The following ARHGEF4 variants were observed in gnomAD, a reference collection of about 807,000 sequenced individuals.
The protein encoded by ARHGEF4 is APC-stimulated guanine nucleotide exchange factor 1.
In ARHGEF4, 119 loss-of-function variants were observed where a neutral mutation model predicts 162.0. The observed-to-expected ratio is 0.73, with a 90% CI of 0.63 to 0.86. The LOEUF is 0.86. ARHGEF4 is among the 40% of genes least tolerant of loss of function. ARHGEF4 has a pLI of 0.00. For synonymous variants in ARHGEF4, 1,014 were observed against 979.9 expected, an observed-to-expected ratio of 1.03 and a Z score of -0.65; for missense variants, 2,488 against 2,456.0, an observed-to-expected ratio of 1.01 and a Z score of -0.28.
At chr2:130,844,816 A>G (rs1680839437) in intron 1 of ARHGEF4, among the ~76,000 whole-genome samples, 1 of 151,842 alleles carries the variant, frequency 6.6e-6, no homozygotes, top group Non-Finnish European at 1.5e-5. Flanking sequence ...AAACAAATAT[A>G]TATATATGTA....
At chr2:130,846,935 A>G (rs1681017684) in intron 1 of ARHGEF4, among the ~76,000 whole-genome samples, 2 of 152,202 alleles carry the variant, frequency 1.3e-5, no homozygotes, top group Admixed American at 6.5e-5. Context: ...GCCGGATGGC[A>G]GATACACAGA....
chr2:130,967,717 A>G (rs1685091959), intron 4 of ARHGEF4, among the ~76,000 whole-genome samples: 1 of 152,214 alleles, frequency 6.6e-6, no homozygotes, highest in Non-Finnish European at 1.5e-5. Context: ...CAGCACAGGG[A>G]GACAGACAGT....
Position 131,038,934 on chromosome 2 carries a change from G to A in ARHGEF4, c.4207G>A (p.Ala1403Thr). The stretch of plus-strand genomic sequence containing the variant: ...GGACGACCAGGAGCTGGGCTTCAAA[G>A]CTGGGGACGTCATCGAAGTGATGGA... ...TMDDQELGFK[A>T]GDVIEVMDAT... Residue 1403 changes from alanine (A) to threonine (T), a missense_variant, in exon 6 of 14, where the codon GCT (alanine) becomes ACT (threonine). Physicochemically the swap from Ala to Thr is moderately conservative, Grantham distance 58. Transcript: ENST00000409359. 6.2e-7 allele frequency: 1 copy of A among 1,613,786 alleles called. No individual in the cohort carries two copies. The highest frequency in any genetic ancestry group is 8.5e-7 in the Non-Finnish European group (1 of 1,180,014).
At chr2:131,026,382 TA>T (rs1689476390) in intron 4 of ARHGEF4, among the ~76,000 whole-genome samples, 1 of 152,176 alleles carries the variant, frequency 6.6e-6, no homozygotes, top group Non-Finnish European at 1.5e-5. Flanking sequence ...TTGTCTATAT[TA>T]AAATTAAGGA....
At chr2:130,847,535 A>T (rs1200026283) in intron 1 of ARHGEF4, among the ~76,000 whole-genome samples, 6 of 152,232 alleles carry the variant, frequency 3.9e-5, no homozygotes, top group Non-Finnish European at 7.3e-5. Context: ...TGGCTGTGAC[A>T]GTCACATGTG....
In ARHGEF4 at chr2:130,860,689, G is replaced by A. The variant is rs1177616839; in HGVS notation, c.39+23697G>A. 2.1e-4 allele frequency among the ~76,000 whole-genome samples: 25 copies of A among 116,846 alleles called. 3 individuals are homozygous for A. The highest frequency in any genetic ancestry group is 3.4e-4 in the Non-Finnish European group (21 of 61,806). The allele number at this position is 116,846 out of a possible 152,430, so 76.7% of individuals were successfully genotyped here. On this transcript the variant is annotated intron_variant, in intron 1 of 13. Coordinates refer to ENST00000409359, the MANE Select transcript of ARHGEF4 (RefSeq NM_001367493.1). Reference sequence around the variant, plus strand: ...CGCGTCACTGCACTCCAGCCTGGGCGACAGAGCGAGACTCCATCTCAAAAA... The same window carrying A: ...CGCGTCACTGCACTCCAGCCTGGGCAACAGAGCGAGACTCCATCTCAAAAA...
intron 4 of ARHGEF4, among the ~76,000 whole-genome samples, chr2:130,981,793 C>G (rs1344567601): frequency 1.3e-5 from 2 of 152,120 alleles, no homozygotes; most frequent in Non-Finnish European, 2.9e-5. Context: ...ATATTTTATT[C>G]CTGATCACAC....
chr2:130,963,158 C>G (rs1311709512), intron 4 of ARHGEF4, among the ~76,000 whole-genome samples: 1 of 152,228 alleles, frequency 6.6e-6, no homozygotes, highest in African/African-American at 2.4e-5. Context: ...CACTGTAAAA[C>G]CCGGTCACTG....
At chr2:131,029,098 C>T (rs1355518418) in intron 5 of ARHGEF4, among the ~76,000 whole-genome samples, 5 of 151,628 alleles carry the variant, frequency 3.3e-5, no homozygotes, top group African/African-American at 9.7e-5. Context: ...TGGTGGCTCA[C>T]GCCTATAATC....
At chr2:130,871,263 C>A (rs1378259069) in intron 1 of ARHGEF4, among the ~76,000 whole-genome samples, 1 of 152,162 alleles carries the variant, frequency 6.6e-6, no homozygotes, top group Non-Finnish European at 1.5e-5. Context: ...AGGCTGGGCG[C>A]AGTGGCTCAC....
At chr2:130,992,802 G>A (rs552450928) in intron 4 of ARHGEF4, among the ~76,000 whole-genome samples, 3 of 152,288 alleles carry the variant, frequency 2.0e-5, no homozygotes, top group African/African-American at 7.2e-5. Flanking sequence ...TACAGACATC[G>A]GCCAGGTTCA....
chr2:131,037,577 G>T (rs1325739414), intron 5 of ARHGEF4, among the ~76,000 whole-genome samples: 2 of 152,210 alleles, frequency 1.3e-5, no homozygotes, highest in African/African-American at 4.8e-5. Flanking sequence ...GTCCTAGCAG[G>T]GAGGGTCGTG....
At chr2:130,839,728 C>T (rs1349616523) in intron 1 of ARHGEF4, among the ~76,000 whole-genome samples, 1 of 152,140 alleles carries the variant, frequency 6.6e-6, no homozygotes, top group Non-Finnish European at 1.5e-5. Flanking sequence ...CTCCCAGCAT[C>T]GTGTGTGGGC....
intron 13 of ARHGEF4, chr2:131,045,692 G>T: frequency 6.8e-7 from 1 of 1,461,850 alleles, no homozygotes. Flanking sequence ...TGGTGACAAT[G>T]CTTGTTTCCC....
rs567610415 is a variant in ARHGEF4 at position 130,916,097 on chromosome 2, G to C, written c.2151G>C (p.Leu717=). The C allele has an allele frequency of 2.1e-4, 318 of 1,550,132 alleles. 3 individuals are homozygous for C. In the East Asian group the frequency reaches 7.7e-3, roughly 38 times the overall value. ...VAQAAELGRV[L]VPQAASEETP... ...AGGCCGCAGAGCTTGGGAGAGTGCTGGTCCCCCAAGCTGCTTCGGAAGAGA... is the reference window on the plus strand; with the variant it reads ...AGGCCGCAGAGCTTGGGAGAGTGCTCGTCCCCCAAGCTGCTTCGGAAGAGA... Residue 717 remains leucine (L), a synonymous_variant, in exon 2 of 14, where the codon CTG becomes CTC. Coordinates refer to ENST00000409359, the MANE Select transcript of ARHGEF4 (RefSeq NM_001367493.1).
chr2:130,902,492 G>GCCTCCGTCCTGTCGGGTCCGTACCATC (rs1456484770), intron 1 of ARHGEF4, among the ~76,000 whole-genome samples: 6 of 150,048 alleles, frequency 4.0e-5, no homozygotes, highest in Admixed American at 6.7e-5. Flanking sequence ...TACTCGGGAG[G>GCCTCCGTCCTGTCGGGTCCGTACCATC]CTGTGGTGGG....
chr2:130,992,857 G>A (rs1005241979), intron 4 of ARHGEF4, among the ~76,000 whole-genome samples: 1 of 152,246 alleles, frequency 6.6e-6, no homozygotes, highest in Non-Finnish European at 1.5e-5. Context: ...GCTGAGGTGG[G>A]TAGATAACAT....
chr2:130,985,261 G>A (rs1026275700), intron 4 of ARHGEF4, among the ~76,000 whole-genome samples: 2 of 152,102 alleles, frequency 1.3e-5, no homozygotes, highest in Admixed American at 6.5e-5. Context: ...GCTTAGGAGG[G>A]CTTCTGAGAC....
intron 11 of ARHGEF4, among the ~76,000 whole-genome samples, chr2:131,044,002 C>T (rs1419382621): frequency 2.0e-5 from 3 of 152,174 alleles, no homozygotes; most frequent in Admixed American, 1.3e-4. Context: ...TCCTTGTCCA[C>T]GGGTGATCTT....
Sources: allele counts gnomAD v4.1 joint callset (sites outside exome capture counted in the v4.1 genomes callset), GRCh38; gene constraint gnomAD v4.1.1; transcripts MANE v1.5; gene names NCBI Gene and HGNC (gene_info 2026-07-23, HGNC 2026-07-21).